The following SORCS2 variants were observed in gnomAD, a reference collection of about 807,000 sequenced individuals.
SORCS2 encodes the protein sortilin related VPS10 domain containing receptor 2, also known as VPS10 domain-containing receptor SorCS2.
A neutral mutation model predicts 141.6 loss-of-function variants in SORCS2; 100 were observed. That is an observed-to-expected ratio of 0.71 (90% CI 0.60 to 0.83). The LOEUF is 0.83. Among genes scored for constraint, SORCS2 ranks in the 40% least tolerant of loss-of-function variants. SORCS2 has a pLI of 0.00. For missense variants in SORCS2, 1,646 were observed against 1,560.2 expected, an observed-to-expected ratio of 1.05 and a Z score of -0.93; for synonymous variants, 789 against 676.9, an observed-to-expected ratio of 1.17 and a Z score of -2.57.
chr4:7,614,537 C>G lies in SORCS2; in HGVS notation c.649-23791C>G, dbSNP rs539255303. ...TCTATTCATCCACTCTTCCACCATG[C>G]ATTTATCCATCCTCTCATCCACTGT... is the stretch of plus-strand genomic sequence containing the variant. On this transcript the variant is annotated intron_variant, in intron 3 of 26. Transcript: ENST00000507866. Among the ~76,000 whole-genome samples the G allele has an allele frequency of 2.0e-3, 306 of 151,792 alleles. 1 individual carries two copies. Among genetic ancestry groups the G allele is most frequent in the Non-Finnish European group, 3.4e-3 (233 of 67,912 alleles).
At chr4:7,308,512 A>G (rs1717979284) in intron 1 of SORCS2, among the ~76,000 whole-genome samples, 1 of 152,142 alleles carries the variant, frequency 6.6e-6, no homozygotes, top group Non-Finnish European at 1.5e-5. Flanking sequence ...CTGGGTTTCT[A>G]GAGCGGTGTC....
intron 19 of SORCS2, among the ~76,000 whole-genome samples, chr4:7,724,898 G>GCAGTGATGATGGTGGAGGTGA (rs1560115002): frequency 0.07 from 3,309 of 47,392 alleles, 366 homozygotes; most frequent in South Asian, 0.094. Context: ...GTTGGTGATG[G>GCAGTGATGATGGTGGAGGTGA]TGGTGATAGT....
At chr4:7,731,934 C>T (rs528945287) in intron 23 of SORCS2, among the ~76,000 whole-genome samples, 5 of 152,276 alleles carry the variant, frequency 3.3e-5, no homozygotes, top group South Asian at 2.1e-4. Context: ...ATGCAACAAA[C>T]GCAAAAATAG....
chr4:7,603,862 T>G (rs2108798058), intron 3 of SORCS2, among the ~76,000 whole-genome samples: 1 of 152,342 alleles, frequency 6.6e-6, no homozygotes, highest in Middle Eastern at 3.4e-3. Context: ...ATTCCTAGCC[T>G]GGCGTTTTTA....
chr4:7,498,674 A>G (rs567765469), intron 2 of SORCS2, among the ~76,000 whole-genome samples: 32 of 152,312 alleles, frequency 2.1e-4, no homozygotes, highest in Non-Finnish European at 3.7e-4. Flanking sequence ...TGATCCCAAG[A>G]TCATATGAGG....
intron 2 of SORCS2, among the ~76,000 whole-genome samples, chr4:7,439,616 G>A (rs1407404106): frequency 6.6e-6 from 1 of 152,200 alleles, no homozygotes; most frequent in African/African-American, 2.4e-5. Context: ...AATTTTGCCT[G>A]TTCTTGAACC....
intron 1 of SORCS2, among the ~76,000 whole-genome samples, chr4:7,349,692 G>T (rs1165033179): frequency 6.6e-6 from 1 of 152,172 alleles, no homozygotes; most frequent in Non-Finnish European, 1.5e-5. Flanking sequence ...GTGGCTTTTG[G>T]GCCACACCAG....
At chr4:7,368,574 T>G (rs898159743) in intron 1 of SORCS2, among the ~76,000 whole-genome samples, 4 of 152,180 alleles carry the variant, frequency 2.6e-5, no homozygotes, top group Non-Finnish European at 5.9e-5. Flanking sequence ...TAGGGGCTGG[T>G]CCTGGTCACA....
At chr4:7,656,404 C>T (rs1416129285) in intron 5 of SORCS2, among the ~76,000 whole-genome samples, 2 of 152,214 alleles carry the variant, frequency 1.3e-5, no homozygotes, top group Non-Finnish European at 2.9e-5. Flanking sequence ...CTGGGCAGCA[C>T]GTGGAGGCTC....
intron 2 of SORCS2, among the ~76,000 whole-genome samples, chr4:7,505,868 T>C (rs1732247032): frequency 6.6e-6 from 1 of 152,164 alleles, no homozygotes. Flanking sequence ...GGAGTGAAGA[T>C]TCAGTGGCAG....
chr4:7,276,827 G>A (rs1386735953), intron 1 of SORCS2, among the ~76,000 whole-genome samples: 2 of 152,130 alleles, frequency 1.3e-5, no homozygotes, highest in Non-Finnish European at 2.9e-5. Context: ...CATTCATCAC[G>A]CGGCAGACCC....
At chr4:7,289,093 C>A (rs534406156) in intron 1 of SORCS2, among the ~76,000 whole-genome samples, 1 of 152,312 alleles carries the variant, frequency 6.6e-6, no homozygotes, top group South Asian at 2.1e-4. Context: ...TGGAAAACAC[C>A]TGTTCAGTTC....
At chr4:7,463,753 G>A (rs28649507) in intron 2 of SORCS2, among the ~76,000 whole-genome samples, 53,907 of 152,126 alleles carry the variant, frequency 0.35, 9,965 homozygotes, top group Middle Eastern at 0.43. Context: ...CTGGAGCACC[G>A]CGCCGTGCAT....
intron 1 of SORCS2, among the ~76,000 whole-genome samples, chr4:7,215,253 A>C (rs1239502857): frequency 6.6e-6 from 1 of 152,188 alleles, no homozygotes; most frequent in African/African-American, 2.4e-5. Context: ...GCCCCGGGCA[A>C]GGAGGGACTT....
intron 9 of SORCS2, among the ~76,000 whole-genome samples, chr4:7,678,401 G>A (rs1723303458): frequency 1.3e-5 from 2 of 150,086 alleles, no homozygotes; most frequent in Admixed American, 6.7e-5. Context: ...CATCAAACAT[G>A]GGTCACAGCT....
intron 4 of SORCS2, among the ~76,000 whole-genome samples, chr4:7,645,201 A>T (rs1209144913): frequency 6.6e-6 from 1 of 152,188 alleles, no homozygotes; most frequent in African/African-American, 2.4e-5. Context: ...AAACTGAGAC[A>T]TGAGATAGAA....
At chr4:7,277,951 C>T (rs1288490384) in intron 1 of SORCS2, among the ~76,000 whole-genome samples, 1 of 152,180 alleles carries the variant, frequency 6.6e-6, no homozygotes, top group Non-Finnish European at 1.5e-5. Context: ...TTGCGGTGTA[C>T]AGGGGAGTGT....
At chr4:7,400,970 G>A (rs1005668507) in intron 2 of SORCS2, among the ~76,000 whole-genome samples, 2 of 152,068 alleles carry the variant, frequency 1.3e-5, no homozygotes, top group Non-Finnish European at 2.9e-5. Context: ...TGGATGGATG[G>A]ATGAATGGAT....
chr4:7,588,420 G>T (rs907211342), intron 3 of SORCS2, among the ~76,000 whole-genome samples: 2 of 152,160 alleles, frequency 1.3e-5, no homozygotes, highest in African/African-American at 4.8e-5. Context: ...TCTCCTTGGG[G>T]GCTGGGTTTC....
Sources: allele counts gnomAD v4.1 joint callset (sites outside exome capture counted in the v4.1 genomes callset), GRCh38; gene constraint gnomAD v4.1.1; transcripts MANE v1.5; gene names NCBI Gene and HGNC (gene_info 2026-07-23, HGNC 2026-07-21).